SCAI: variants seen among roughly 807,000 people sequenced by gnomAD.
SCAI encodes the protein suppressor of cancer cell invasion.
In SCAI, 24 loss-of-function variants were observed where a neutral mutation model predicts 92.2. That is an observed-to-expected ratio of 0.26 (90% CI 0.19 to 0.37). The LOEUF is 0.37. SCAI is among the 10% of genes least tolerant of loss of function. The pLI is 1.00. For synonymous variants in SCAI, 261 were observed against 258.6 expected (o/e 1.01, Z -0.09); for missense variants, 450 against 736.2 (o/e 0.61, Z 4.50).
chr9:125,128,536 G>A (rs903056665), intron 2 of SCAI, among the ~76,000 whole-genome samples: 1 of 148,276 alleles, frequency 6.7e-6, no homozygotes, highest in Non-Finnish European at 1.5e-5. Context: ...GGTGGATCAC[G>A]AGGTCAGGAG....
chr9:125,010,010 C>A (rs1033843438), intron 9 of SCAI, among the ~76,000 whole-genome samples: 3 of 152,096 alleles, frequency 2.0e-5, no homozygotes, highest in African/African-American at 4.8e-5. Flanking sequence ...CTGGTTAACA[C>A]GGTGAAACCC....
In SCAI at chr9:125,001,606, AAT is replaced by A. The variant is rs1228107575; in HGVS notation, c.1144+357_1144+358del. Among the ~76,000 whole-genome samples, 7 of 152,354 alleles carry A rather than the reference AAT, an allele frequency of 4.6e-5. No individual in the cohort carries two copies. The East Asian group carries it at 1.3e-3, about 29-fold the overall frequency. ...ATGCACTGAAAGCTCAGAAAAATTC[AAT>A]GATGTGAAATAGATCATTACGCTTG... is the stretch of plus-strand genomic sequence containing the variant. On this transcript the variant is annotated intron_variant, in intron 12 of 17. Transcript: ENST00000336505.
intron 6 of SCAI, among the ~76,000 whole-genome samples, chr9:125,021,218 A>C (rs999991168): frequency 6.6e-6 from 1 of 152,218 alleles, no homozygotes; most frequent in Non-Finnish European, 1.5e-5. Flanking sequence ...ATAAATGTTT[A>C]AGTTAAGAAT....
intron 17 of SCAI, among the ~76,000 whole-genome samples, chr9:124,961,677 G>A (rs1564358312): frequency 6.7e-6 from 1 of 150,018 alleles, no homozygotes; most frequent in African/African-American, 2.4e-5. Flanking sequence ...ATCTACTGAT[G>A]AATGGTAAGA....
intron 2 of SCAI, among the ~76,000 whole-genome samples, chr9:125,136,827 G>C (rs988106819): frequency 6.8e-6 from 1 of 147,796 alleles, no homozygotes; most frequent in East Asian, 2.0e-4. Flanking sequence ...AGAGTGCAGC[G>C]ATCTCGGCTC....
chr9:124,991,409 A>T (rs901443824), intron 14 of SCAI, among the ~76,000 whole-genome samples: 31 of 151,864 alleles, frequency 2.0e-4, no homozygotes, highest in African/African-American at 5.5e-4. Context: ...GAAGAAATGT[A>T]CATGAAACTG....
At chr9:125,065,982 A>C (rs1461563185) in intron 2 of SCAI, 1 of 764,534 alleles carries the variant, frequency 1.3e-6, no homozygotes. Flanking sequence ...CTATAGCAAA[A>C]ATCATACTTT....
intron 2 of SCAI, among the ~76,000 whole-genome samples, chr9:125,065,559 A>G (rs1463657972): frequency 1.3e-5 from 2 of 152,228 alleles, no homozygotes; most frequent in Non-Finnish European, 2.9e-5. Context: ...CAGAATAGAG[A>G]AGAAGGAACA....
intron 3 of SCAI, 79 bp downstream of exon 3, chr9:125,055,797 G>T (rs540117259): frequency 2.4e-6 from 3 of 1,229,852 alleles, no homozygotes; most frequent in Non-Finnish European, 3.3e-6. Flanking sequence ...CATAATTTTC[G>T]GAAACTTACC....
At position 124,947,460 on chromosome 9, in the gene SCAI, C is replaced by T. The variant is rs1343418733; in HGVS notation, c.*5347G>A. On this transcript the variant is annotated 3_prime_UTR_variant, in exon 18 of 18. Coordinates refer to ENST00000336505, the MANE Select transcript of SCAI (RefSeq NM_001144877.3). ...CAACTCCAAATTAGCCCATTTTATCCAAACACAAGCCTCTCAAAATAGAGG... is the reference window on the plus strand; with the variant it reads ...CAACTCCAAATTAGCCCATTTTATCTAAACACAAGCCTCTCAAAATAGAGG... 1.3e-5 allele frequency: 2 copies of T among 151,874 alleles called. No individual in the cohort carries two copies. The highest frequency in any genetic ancestry group is 3.9e-4 in the East Asian group (2 of 5,186). The allele number at this position is 151,874 out of a possible 1,614,324, so 9.4% of individuals were successfully genotyped here. A position where few individuals can be genotyped will look rare whatever the true frequency, so the allele number is the denominator to read the frequency against.
intron 15 of SCAI, among the ~76,000 whole-genome samples, chr9:124,972,127 G>T (rs1000539469): frequency 3.3e-4 from 50 of 152,170 alleles, no homozygotes; most frequent in Non-Finnish European, 5.6e-4. Flanking sequence ...TATGGCAAGT[G>T]TTGGATTATG....
chr9:125,048,344 T>C (rs1833489381), intron 3 of SCAI, among the ~76,000 whole-genome samples: 1 of 152,136 alleles, frequency 6.6e-6, no homozygotes, highest in African/African-American at 2.4e-5. Flanking sequence ...GCAGTCTACC[T>C]CAAAGGCAAG....
chr9:125,044,795 T>C (rs1165467266), intron 3 of SCAI, among the ~76,000 whole-genome samples: 1 of 152,144 alleles, frequency 6.6e-6, no homozygotes, highest in Non-Finnish European at 1.5e-5. Context: ...GACATCCTCT[T>C]TGGGGCTTGT....
intron 17 of SCAI, among the ~76,000 whole-genome samples, chr9:124,966,585 AC>A (rs1831546528): frequency 6.6e-6 from 1 of 152,174 alleles, no homozygotes; most frequent in Non-Finnish European, 1.5e-5. Context: ...ACTAGTGTCT[AC>A]ATATATTTTA....
At chr9:125,002,095 A>C in intron 11 of SCAI, 52 bp from the exon 12 acceptor site, 1 of 1,216,184 alleles carries the variant, frequency 8.2e-7, no homozygotes, top group Non-Finnish European at 1.2e-6. Flanking sequence ...GATAAACAAC[A>C]TGGTTTTATT....
intron 14 of SCAI, among the ~76,000 whole-genome samples, chr9:124,982,673 C>T (rs1301238647): frequency 8.6e-6 from 1 of 116,874 alleles, no homozygotes; most frequent in African/African-American, 3.5e-5. Context: ...GAGTGCGACT[C>T]TGTCTCAAAA....
At chr9:125,099,722 A>C (rs1834639927) in intron 2 of SCAI, among the ~76,000 whole-genome samples, 1 of 152,230 alleles carries the variant, frequency 6.6e-6, no homozygotes, top group African/African-American at 2.4e-5. Context: ...TGTCAGTAAC[A>C]GGTGTTAAAT....
rs1032539575 is a variant in SCAI, at chr9:124,951,431, G to A, written c.*1376C>T. 10 of 152,154 alleles carry A rather than the reference G, an allele frequency of 6.6e-5. No homozygotes were observed. Among genetic ancestry groups the A allele is most frequent in the African/African-American group, 2.4e-4 (10 of 41,416 alleles). 9.4% of individuals were successfully genotyped at this position (152,154 alleles called of 1,614,324 possible). On this transcript the variant is annotated 3_prime_UTR_variant, in exon 18 of 18. Coordinates refer to ENST00000336505, the MANE Select transcript of SCAI (RefSeq NM_001144877.3). ...GAGGCAGGAAAATTGCTTGAACCTG[G>A]GAGGCGGAGGTTGCAGTGAGCCGAG...
At chr9:124,985,898 T>A (rs1173304945) in intron 14 of SCAI, among the ~76,000 whole-genome samples, 3 of 150,690 alleles carry the variant, frequency 2.0e-5, no homozygotes, top group Admixed American at 2.0e-4. Context: ...TCCAATTTCA[T>A]ATATGATTAT....
Sources: gnomAD v4.1 joint callset for allele counts (sites outside exome capture counted in the v4.1 genomes callset) on GRCh38, gnomAD v4.1.1 for gene constraint, MANE v1.5 for transcripts, NCBI Gene and HGNC (gene_info 2026-07-23, HGNC 2026-07-21) for gene names.